SORBS2: variants seen among roughly 807,000 people sequenced by gnomAD.
SORBS2 encodes sorbin and SH3 domain containing 2, also known as sorbin and SH3 domain-containing protein 2.
A neutral mutation model predicts 97.7 loss-of-function variants in SORBS2; 46 were observed. The ratio of observed to expected loss-of-function variants is 0.47; its 90% CI spans 0.37 to 0.60. SORBS2 has a LOEUF of 0.60. Among genes scored for constraint, SORBS2 ranks in the 20% least tolerant of loss-of-function variants. The pLI is 0.00. For synonymous variants in SORBS2, 476 were observed against 473.4 expected (o/e 1.01, Z -0.07); for missense variants, 1,316 against 1,282.3 (o/e 1.03, Z -0.40).
At chr4:185,861,078 T>A (rs1353422793) in intron 1 of SORBS2, among the ~76,000 whole-genome samples, 1 of 152,182 alleles carries the variant, frequency 6.6e-6, no homozygotes, top group Admixed American at 6.5e-5. Context: ...ATACTTCAAC[T>A]TCTTTCAGGG....
intron 12 of SORBS2, among the ~76,000 whole-genome samples, chr4:185,604,648 T>C (rs1161586526): frequency 6.6e-6 from 1 of 152,198 alleles, no homozygotes; most frequent in African/African-American, 2.4e-5. Context: ...CCTTGGGAAG[T>C]TATATTTATG....
intron 4 of SORBS2, chr4:185,638,989 C>CGGCCAGGTT (rs2097079684): frequency 6.6e-7 from 1 of 1,522,520 alleles, no homozygotes; most frequent in Non-Finnish European, 8.8e-7. Context: ...AAGAGGCTTC[C>CGGCCAGGTT]GGCCAGGTTC....
At chr4:185,753,897 C>A (rs543123486) in intron 2 of SORBS2, among the ~76,000 whole-genome samples, 1 of 152,164 alleles carries the variant, frequency 6.6e-6, no homozygotes, top group Non-Finnish European at 1.5e-5. Context: ...TTGGTGATTT[C>A]TGATAGAACT....
chr4:185,797,775 C>T (rs370032747), intron 1 of SORBS2, among the ~76,000 whole-genome samples: 1 of 152,190 alleles, frequency 6.6e-6, no homozygotes, highest in Non-Finnish European at 1.5e-5. Context: ...TGCCCCCACA[C>T]CACCCCACGC....
intron 1 of SORBS2, among the ~76,000 whole-genome samples, chr4:185,861,269 C>T (rs1233338449): frequency 7.0e-6 from 1 of 143,696 alleles, no homozygotes; most frequent in Non-Finnish European, 1.5e-5. Context: ...TTTGGAATGC[C>T]CTTGGCTGAA....
At chr4:185,627,750 T>C (rs1246364172) in intron 5 of SORBS2, among the ~76,000 whole-genome samples, 3 of 152,186 alleles carry the variant, frequency 2.0e-5, no homozygotes, top group African/African-American at 7.2e-5. Flanking sequence ...TTGAGAAATG[T>C]ATAATGATGT....
chr4:185,876,870 T>C (rs2099233976), intron 1 of SORBS2, among the ~76,000 whole-genome samples: 2 of 152,238 alleles, frequency 1.3e-5, no homozygotes, highest in African/African-American at 4.8e-5. Context: ...GATTGTGAAG[T>C]ATATGATAAA....
At chr4:185,814,292 G>C (rs2099191918) in intron 1 of SORBS2, among the ~76,000 whole-genome samples, 1 of 151,820 alleles carries the variant, frequency 6.6e-6, no homozygotes, top group Non-Finnish European at 1.5e-5. Flanking sequence ...AGCACTTTGG[G>C]AGGCTGAGGC....
At chr4:185,768,781 A>C (rs1202770592) in intron 2 of SORBS2, among the ~76,000 whole-genome samples, 1 of 151,922 alleles carries the variant, frequency 6.6e-6, no homozygotes, top group Non-Finnish European at 1.5e-5. Context: ...GGGAAAGGGG[A>C]GTATGCAAGG....
In SORBS2 at chr4:185,611,482, G is replaced by C. The variant is rs140350657; in HGVS notation, c.2796+298C>G. Reference sequence around the variant, plus strand: ...ATTTCAGAAAACATTTATGTACACAGGAGTACAGATATATATCATACGAGA... The same window carrying C: ...ATTTCAGAAAACATTTATGTACACACGAGTACAGATATATATCATACGAGA... On this transcript the variant is annotated intron_variant, in intron 12 of 14. Transcript: ENST00000418609. Among the ~76,000 whole-genome samples the C allele has an allele frequency of 4.7e-3, 707 of 151,978 alleles. 7 individuals are homozygous for C. The highest frequency in any genetic ancestry group is 0.016 in the African/African-American group (673 of 41,486).
intron 2 of SORBS2, among the ~76,000 whole-genome samples, chr4:185,700,958 A>T (rs533054036): frequency 7.9e-5 from 12 of 152,262 alleles, no homozygotes; most frequent in Non-Finnish European, 1.8e-4. Context: ...ACAAATTTAT[A>T]TTCCACAGTT....
At chr4:185,937,860 AG>A (rs1169662981) in intron 1 of SORBS2, among the ~76,000 whole-genome samples, 1 of 152,122 alleles carries the variant, frequency 6.6e-6, no homozygotes, top group Non-Finnish European at 1.5e-5. Flanking sequence ...ATGTAAGTGG[AG>A]AATTACACAT....
Position 185,684,757 on chromosome 4 carries a change from C to T in SORBS2, c.-197-5935G>A. 1 of 1,549,436 alleles carries T rather than the reference C, an allele frequency of 6.5e-7. No individual in the cohort carries two copies. The highest frequency in any genetic ancestry group is 8.7e-7 in the Non-Finnish European group (1 of 1,144,898). On this transcript the variant is annotated intron_variant, in intron 2 of 20. Transcript: ENST00000284776. This position sits in a 1 kb window ranked among gnomAD's most constrained non-coding sequence, Gnocchi z 4.2. ...GTGTGAGTTAGTGATATTATACCTGCAGCCAATAGGTTTGGAGAACTTTGC... is the reference window on the plus strand; with the variant it reads ...GTGTGAGTTAGTGATATTATACCTGTAGCCAATAGGTTTGGAGAACTTTGC...
chr4:185,743,866 C>A (rs2098742687), intron 2 of SORBS2, among the ~76,000 whole-genome samples: 1 of 150,422 alleles, frequency 6.6e-6, no homozygotes, highest in African/African-American at 2.5e-5. Context: ...TTTCTTTCCT[C>A]CTCCTCCTCC....
chr4:185,761,598 TGAA>T (rs1358266596), intron 2 of SORBS2: 1 of 152,196 alleles, frequency 6.6e-6, no homozygotes, highest in Non-Finnish European at 1.5e-5. Context: ...GCTTATTAAT[TGAA>T]GAAGAATGAT....
chr4:185,908,016 C>T (rs531640438), intron 1 of SORBS2, among the ~76,000 whole-genome samples: 4 of 151,842 alleles, frequency 2.6e-5, no homozygotes, highest in South Asian at 2.1e-4. Flanking sequence ...TGTGGAAAAC[C>T]GACCTGGAGA....
chr4:185,656,486 C>A lies in SORBS2; in HGVS notation c.24+129G>T. 4.5e-6 allele frequency: 2 copies of A among 446,402 alleles called. No homozygotes were observed. The highest frequency in any genetic ancestry group is 7.9e-6 in the Non-Finnish European group (2 of 252,184). 27.7% of individuals were successfully genotyped at this position (446,402 alleles called of 1,614,324 possible). A position where few individuals can be genotyped will look rare whatever the true frequency, so the allele number is the denominator to read the frequency against. ...TCTCTTTCCCATTCTTTGCCTCTAT[C>A]CCTTATTGTCTTGGCTGCCCAGGTC... On this transcript the variant is annotated intron_variant, in intron 1 of 14. Coordinates refer to ENST00000418609, the Ensembl canonical transcript of SORBS2.
At chr4:185,629,177 C>G (rs1366932795) in intron 5 of SORBS2, among the ~76,000 whole-genome samples, 3 of 152,158 alleles carry the variant, frequency 2.0e-5, no homozygotes, top group African/African-American at 7.2e-5. Flanking sequence ...AGGCAGACCT[C>G]AGAACTGGTT....
chr4:185,746,390 C>T (rs1964652), intron 2 of SORBS2, among the ~76,000 whole-genome samples: 54,641 of 152,010 alleles, frequency 0.36, 10,078 homozygotes, highest in South Asian at 0.44. Flanking sequence ...CATCTTGGCT[C>T]GCTGCAACCT....
Sources: allele counts gnomAD v4.1 joint callset (sites outside exome capture counted in the v4.1 genomes callset), GRCh38; gene constraint gnomAD v4.1.1; non-coding constraint Gnocchi (gnomAD v3.1); transcripts MANE v1.5; gene names NCBI Gene and HGNC (gene_info 2026-07-23, HGNC 2026-07-21).